FOXN4: variants seen among roughly 807,000 people sequenced by gnomAD.
FOXN4 encodes forkhead box protein N4.
In FOXN4, 12 loss-of-function variants were observed where a neutral mutation model predicts 45.0. That is an observed-to-expected ratio of 0.27 (90% CI 0.17 to 0.43). The LOEUF is 0.43. Ranked by LOEUF, FOXN4 falls within the 20% of genes least tolerant of loss-of-function variation. The pLI is 1.00. For synonymous variants in FOXN4, 297 were observed against 295.0 expected (o/e 1.01, Z -0.07); for missense variants, 560 against 694.9 (o/e 0.81, Z 2.18).
At position 109,281,398 on chromosome 12, in the gene FOXN4, C is replaced by T. The variant is rs758465019; in HGVS notation, c.1294+9G>A. On this transcript the variant is annotated intron_variant, in intron 9 of 9. Transcript: ENST00000299162. ...TTCCATTCCCATCACTCCATTCCTCCAGCCTCACCCTGCAGAGCGAAGTCC... is the reference window on the plus strand; with the variant it reads ...TTCCATTCCCATCACTCCATTCCTCTAGCCTCACCCTGCAGAGCGAAGTCC... 7.4e-6 allele frequency: 12 copies of T among 1,613,326 alleles called. No individual in the cohort carries two copies. The East Asian group carries it at 2.7e-4, about 36-fold the overall frequency.
intron 2 of FOXN4, among the ~76,000 whole-genome samples, chr12:109,295,144 G>A (rs1362092401): frequency 6.6e-6 from 1 of 152,210 alleles, no homozygotes; most frequent in African/African-American, 2.4e-5. Context: ...CTGGTGTGGA[G>A]GCGGAGTGGC....
chr12:109,280,943 G>A (rs553314470), intron 9 of FOXN4, among the ~76,000 whole-genome samples: 14 of 152,322 alleles, frequency 9.2e-5, no homozygotes, highest in Non-Finnish European at 1.6e-4. Flanking sequence ...GGGTCAGACC[G>A]AGGTTTAACT....
rs1245589979 is a variant in FOXN4, at chr12:109,305,780, C to G, written c.86+2456G>C. Reference sequence around the variant, plus strand: ...AACAAACAAACAAAACAAAAACCAGCCTTGAATCCACGTGAACAGGAAAGG... The same window carrying G: ...AACAAACAAACAAAACAAAAACCAGGCTTGAATCCACGTGAACAGGAAAGG... On this transcript the variant is annotated intron_variant, in intron 2 of 9. Coordinates refer to ENST00000299162, the MANE Select transcript of FOXN4 (RefSeq NM_213596.3). 3.3e-5 allele frequency among the ~76,000 whole-genome samples: 5 copies of G among 152,204 alleles called. No homozygotes were observed. The East Asian group carries it at 9.7e-4, about 29-fold the overall frequency.
intron 2 of FOXN4, 24 bp downstream of exon 2, chr12:109,308,212 G>T (rs1239157835): frequency 6.6e-7 from 1 of 1,519,866 alleles, no homozygotes; most frequent in South Asian, 1.2e-5. Flanking sequence ...AAAATATATA[G>T]TTTGTTATTG....
chr12:109,285,572 TCTC>T (rs1233680556), intron 7 of FOXN4, 61 bp from the exon 8 acceptor site: 33 of 1,568,198 alleles, frequency 2.1e-5, no homozygotes, highest in Non-Finnish European at 2.7e-5. Context: ...ACCCCGGGGA[TCTC>T]CTACTCAGGC....
At chr12:109,289,441 C>A (rs187654915) in intron 3 of FOXN4, among the ~76,000 whole-genome samples, 8 of 152,306 alleles carry the variant, frequency 5.3e-5, no homozygotes, top group African/African-American at 1.9e-4. Context: ...ACATGCTTTG[C>A]CCAAGAACGA....
intron 2 of FOXN4, among the ~76,000 whole-genome samples, chr12:109,302,487 C>T (rs1280406216): frequency 6.6e-6 from 1 of 152,128 alleles, no homozygotes; most frequent in Non-Finnish European, 1.5e-5. Flanking sequence ...TCATCTCAAC[C>T]CCTTCATAGC....
chr12:109,290,278 G>T lies in FOXN4; in HGVS notation c.95C>A (p.Ala32Asp). 6.5e-7 allele frequency: 1 copy of T among 1,548,162 alleles called. No individual in the cohort carries two copies. Among genetic ancestry groups the T allele is most frequent in the Non-Finnish European group, 8.7e-7 (1 of 1,145,140 alleles). ...GGGAAGGTCATCATCGCTGGTGGTG[G>T]CTAGAAGCCTGCAAAGAGGAACAGA... is the stretch of plus-strand genomic sequence containing the variant. The part of the protein sequence containing the change: ...HPSPQEYRLL[A>D]TTSDDDLPGD... Residue 32 changes from alanine (A) to aspartate (D), a missense_variant, in exon 3 of 10, where the codon GCC becomes GAC. By Grantham distance (126) the Ala-to-Asp change is moderately radical. Around this residue, in one of 5 missense-constraint regions of FOXN4, gnomAD observed 142 missense variants for 185.7 expected, o/e 0.76. Transcript: ENST00000299162. This position sits in a 1 kb window ranked among gnomAD's most constrained non-coding sequence, Gnocchi z 5.1.
Position 109,288,171 on chromosome 12 carries a change from G to A in FOXN4, c.242C>T (p.Ala81Val). Residue 81 changes from alanine to valine, a missense_variant, in exon 4 of 10, where the codon GCT becomes GTT. By Grantham distance (64) the Ala-to-Val change is moderately conservative. This residue lies in a region of FOXN4 where 142 missense variants were observed against 185.7 expected (regional missense o/e 0.76). Transcript: ENST00000299162. The surrounding 1 kb of genome is among the most constrained non-coding windows in gnomAD (Gnocchi z 4.3). Reference protein sequence around the residue: ...CVPHPHPGALAGVADLHVGAT... With the variant: ...CVPHPHPGALVGVADLHVGAT... ...TCCCACATGCAGGTCGGCCACCCCA[G>A]CCAAGGCACCTGCCGGAGAGAAGCA... 1 of 1,547,844 alleles carries A rather than the reference G, an allele frequency of 6.5e-7. No homozygotes were observed. Among genetic ancestry groups the A allele is most frequent in the South Asian group, 1.2e-5 (1 of 83,774 alleles).
chr12:109,279,996 A>G, intron 9 of FOXN4, 66 bp from the exon 10 acceptor site: 1 of 1,594,664 alleles, frequency 6.3e-7, no homozygotes. Flanking sequence ...CGAATCCCCC[A>G]TCTTAGGGAA....
rs547626178 is a variant in FOXN4, at chr12:109,306,013, T to C, written c.86+2223A>G. 5.3e-5 allele frequency among the ~76,000 whole-genome samples: 8 copies of C among 152,248 alleles called. No individual in the cohort carries two copies. In the East Asian group the frequency reaches 9.7e-4, roughly 18 times the overall value. ...TAGTGCCCCCAGACAGTTTGTCAGC[T>C]GGGTGGCCCAGATGAACAAGGTCAA... On this transcript the variant is annotated intron_variant, in intron 2 of 9. Transcript: ENST00000299162.
At chr12:109,292,239 G>A (rs2047776235) in intron 2 of FOXN4, among the ~76,000 whole-genome samples, 1 of 152,216 alleles carries the variant, frequency 6.6e-6, no homozygotes, top group Non-Finnish European at 1.5e-5. Flanking sequence ...TGGCACTGCG[G>A]TAACAAGGAG....
At chr12:109,308,359 T>A in intron 1 of FOXN4, 35 bp from the exon 2 acceptor site, 1 of 1,476,394 alleles carries the variant, frequency 6.8e-7, no homozygotes, top group Non-Finnish European at 9.3e-7. Context: ...AAAGCTCCCA[T>A]CAGCGACGAT....
At chr12:109,286,801 G>T in intron 6 of FOXN4, 57 bp from the exon 7 acceptor site, 1 of 1,551,942 alleles carries the variant, frequency 6.4e-7, no homozygotes. Flanking sequence ...GGCCAGGCAT[G>T]AAAGGGTCTC....
At chr12:109,281,931 TCTC>T in intron 8 of FOXN4, 132 bp from the exon 9 acceptor site, 1 of 1,023,292 alleles carries the variant, frequency 9.8e-7, no homozygotes. Flanking sequence ...AGAACCTCTG[TCTC>T]CTCACCTATG....
rs35560773 is a variant in FOXN4 at position 109,290,967 on chromosome 12, A to G, written c.87-681T>C. 0.19 allele frequency among the ~76,000 whole-genome samples: 28,242 copies of G among 151,956 alleles called. 2,699 individuals are homozygous for G. Among genetic ancestry groups the G allele is most frequent in the Middle Eastern group, 0.22 (66 of 294 alleles). ...GTGGGCCCATACTCCCCTCGTACAG[A>G]TGAGAAAACTGAGGCTTGGAGCACC... On this transcript the variant is annotated intron_variant, in intron 2 of 9. Coordinates refer to ENST00000299162, the MANE Select transcript of FOXN4 (RefSeq NM_213596.3). This position sits in a 1 kb window ranked among gnomAD's most constrained non-coding sequence, Gnocchi z 5.1.
chr12:109,289,953 A>T (rs1159122985), intron 3 of FOXN4, among the ~76,000 whole-genome samples, 188 bp downstream of exon 3: 2 of 152,208 alleles, frequency 1.3e-5, no homozygotes, highest in Non-Finnish European at 2.9e-5. Flanking sequence ...CCTGGCGCAC[A>T]GTTAAGCAAA....
chr12:109,297,487 C>T (rs2047828621), intron 2 of FOXN4, among the ~76,000 whole-genome samples: 1 of 152,152 alleles, frequency 6.6e-6, no homozygotes, highest in Admixed American at 6.5e-5. Flanking sequence ...ATTACAGGCG[C>T]CACCATGCCC....
rs534812229 is a variant in FOXN4, at chr12:109,285,270, T to C, written c.901+34A>G. The C allele has an allele frequency of 1.7e-3, 2,635 of 1,543,094 alleles. 18 individuals are homozygous for C. The highest frequency in any genetic ancestry group is 3.3e-3 in the East Asian group (137 of 41,614). ...GTGTGTGTGTGTGTGTGTGTGTGTGTGTGTGCGCGCACTGCGGGCTGTCCG... is the reference window on the plus strand; with the variant it reads ...GTGTGTGTGTGTGTGTGTGTGTGTGCGTGTGCGCGCACTGCGGGCTGTCCG... On this transcript the variant is annotated intron_variant, in intron 8 of 9. Transcript: ENST00000299162.
Sources: allele counts gnomAD v4.1 joint callset (sites outside exome capture counted in the v4.1 genomes callset), GRCh38; gene constraint gnomAD v4.1.1; regional missense constraint gnomAD v4.1.1; non-coding constraint Gnocchi (gnomAD v3.1); transcripts MANE v1.5; gene names NCBI Gene and HGNC (gene_info 2026-07-23, HGNC 2026-07-21).